KLF12: variants seen among roughly 807,000 people sequenced by gnomAD.
The protein encoded by KLF12 is Krueppel-like factor 12.
KLF12 carries 9 observed loss-of-function variants against 37.8 expected under a neutral mutation model. The ratio of observed to expected loss-of-function variants is 0.24; its 90% confidence interval spans 0.14 to 0.42. The LOEUF (loss-of-function observed/expected upper bound fraction) is 0.42. KLF12 is among the 10% of genes least tolerant of loss of function. The probability of loss-of-function intolerance (pLI) is 1.00; values close to 1 mark genes in which losing one functional copy is unlikely to be tolerated. For synonymous variants in KLF12, 208 were observed against 202.1 expected (o/e 1.03, Z -0.25); for missense variants, 411 against 516.0 (o/e 0.80, Z 1.97).
chr13:73,695,736 T>G, intron 7 of KLF12, 65 bp from the exon 8 acceptor site: 1 of 1,464,960 alleles, frequency 6.8e-7, no homozygotes, highest in Non-Finnish European at 9.4e-7. Flanking sequence ...ACCAGGCCAG[T>G]ACTCTATTTT....
intron 1 of KLF12, among the ~76,000 whole-genome samples, chr13:74,119,649 T>C (rs1037959518): frequency 1.8e-4 from 28 of 152,060 alleles, no homozygotes; most frequent in African/African-American, 6.8e-4. Flanking sequence ...TCAATACAAA[T>C]TATTCAGACT....
chr13:74,068,029 C>T (rs1306949347), intron 1 of KLF12, among the ~76,000 whole-genome samples: 1 of 152,218 alleles, frequency 6.6e-6, no homozygotes, highest in African/African-American at 2.4e-5. Flanking sequence ...CTGACTGATG[C>T]ACCTGGAATG....
At chr13:73,977,288 T>G (rs964044548) in intron 2 of KLF12, among the ~76,000 whole-genome samples, 7 of 152,110 alleles carry the variant, frequency 4.6e-5, no homozygotes, top group African/African-American at 1.7e-4. Context: ...CAAAGTGATC[T>G]GCTCACCTCA....
At chr13:74,274,663 C>T in the KLF12 span, among the ~76,000 whole-genome samples, 425 of 151,588 alleles carry the variant, frequency 2.8e-3, 3 homozygotes, top group African/African-American at 9.6e-3. Context: ...AGTTTGGCGG[C>T]TCATTCCTTT....
At chr13:73,789,898 G>C (rs953437456) in intron 5 of KLF12, among the ~76,000 whole-genome samples, 1 of 152,042 alleles carries the variant, frequency 6.6e-6, no homozygotes, top group Non-Finnish European at 1.5e-5. Context: ...GGATGGTCTC[G>C]ATCTCCTGAC....
the KLF12 span, among the ~76,000 whole-genome samples, chr13:74,264,879 G>A: frequency 6.6e-6 from 1 of 151,988 alleles, no homozygotes; most frequent in African/African-American, 2.4e-5. Flanking sequence ...TGTAGTCTTA[G>A]GTTAGTCTAT....
At chr13:73,754,694 C>T (rs1879022448) in intron 6 of KLF12, among the ~76,000 whole-genome samples, 1 of 151,958 alleles carries the variant, frequency 6.6e-6, no homozygotes, top group South Asian at 2.1e-4. Context: ...ATGCAAAAAC[C>T]CACCCAGGTC....
chr13:74,028,812 A>G (rs1893040143), intron 1 of KLF12, among the ~76,000 whole-genome samples: 1 of 135,944 alleles, frequency 7.4e-6, no homozygotes, highest in Admixed American at 8.0e-5. Flanking sequence ...GTTTAAATTA[A>G]TATAAGAAAA....
At chr13:74,080,067 A>C (rs1874789113) in intron 1 of KLF12, among the ~76,000 whole-genome samples, 1 of 152,050 alleles carries the variant, frequency 6.6e-6, no homozygotes, top group Admixed American at 6.6e-5. Context: ...GTCACATGCT[A>C]CAACATGGAG....
intron 3 of KLF12, among the ~76,000 whole-genome samples, chr13:73,883,846 T>G (rs1594209733): frequency 6.6e-6 from 1 of 152,174 alleles, no homozygotes; most frequent in African/African-American, 2.4e-5. Context: ...TAGGGTGATA[T>G]GACATTGTGT....
chr13:74,061,111 G>GTTCACAT (rs780761610), intron 1 of KLF12, among the ~76,000 whole-genome samples: 31 of 152,164 alleles, frequency 2.0e-4, no homozygotes, highest in Admixed American at 4.6e-4. Flanking sequence ...CATAGCAAGA[G>GTTCACAT]TTCACATTAA....
At chr13:74,110,551 T>C (rs937096834) in intron 1 of KLF12, among the ~76,000 whole-genome samples, 8 of 152,222 alleles carry the variant, frequency 5.3e-5, no homozygotes, top group Non-Finnish European at 8.8e-5. Flanking sequence ...ACAGAGTTTT[T>C]CTGTAACCCT....
intron 6 of KLF12, among the ~76,000 whole-genome samples, chr13:73,727,038 T>C (rs1359923477): frequency 6.6e-6 from 1 of 152,198 alleles, no homozygotes; most frequent in African/African-American, 2.4e-5. Flanking sequence ...TAATGACTAA[T>C]GATGTTGAGA....
the KLF12 span, among the ~76,000 whole-genome samples, chr13:74,283,848 A>G: frequency 2.1e-5 from 3 of 142,366 alleles, no homozygotes; most frequent in Non-Finnish European, 3.0e-5. Context: ...ATCCATAAGT[A>G]TGTATAAATC....
At chr13:74,273,448 CT>C in the KLF12 span, among the ~76,000 whole-genome samples, 21,690 of 145,266 alleles carry the variant, frequency 0.15, 1,965 homozygotes, top group African/African-American at 0.26. Flanking sequence ...TTATATCCAG[CT>C]TTTTTTTTTT....
intron 6 of KLF12, among the ~76,000 whole-genome samples, chr13:73,758,597 A>G (rs2138030693): frequency 6.6e-6 from 1 of 152,272 alleles, no homozygotes; most frequent in East Asian, 1.9e-4. Flanking sequence ...TTCCAGTACA[A>G]TATTAATATG....
At chr13:74,006,678 C>G (rs144308403) in intron 1 of KLF12, among the ~76,000 whole-genome samples, 1 of 152,276 alleles carries the variant, frequency 6.6e-6, no homozygotes, top group East Asian at 1.9e-4. Flanking sequence ...ACTGCTTTCC[C>G]CTTTCAGTCA....
intron 2 of KLF12, among the ~76,000 whole-genome samples, chr13:73,952,812 C>T (rs1200262799): frequency 6.6e-6 from 1 of 152,096 alleles, no homozygotes; most frequent in Non-Finnish European, 1.5e-5. Flanking sequence ...GGACTAGAAG[C>T]AATTTGGAAG....
the KLF12 span, among the ~76,000 whole-genome samples, chr13:74,161,858 T>C: frequency 2.0e-5 from 3 of 152,212 alleles, no homozygotes; most frequent in Non-Finnish European, 4.4e-5. Flanking sequence ...GTGCTCATGA[T>C]AGACTCAGGG....
Sources: gnomAD v4.1 joint callset for allele counts (sites outside exome capture counted in the v4.1 genomes callset) on GRCh38, gnomAD v4.1.1 for gene constraint, MANE v1.5 for transcripts, NCBI Gene and HGNC (gene_info 2026-07-23, HGNC 2026-07-21) for gene names.